The following ACMSD variants were observed in gnomAD, a reference collection of about 807,000 sequenced individuals.
ACMSD encodes aminocarboxymuconate semialdehyde decarboxylase.
A neutral mutation model predicts 45.9 loss-of-function variants in ACMSD; 37 were observed. That is an observed-to-expected ratio of 0.81 (90% CI 0.62 to 1.06). The LOEUF is 1.06. Ranked by LOEUF, ACMSD falls within the 50% of genes least tolerant of loss-of-function variation. The pLI, the probability that ACMSD is intolerant of heterozygous loss-of-function variation, is 0.00. For synonymous variants in ACMSD, 138 were observed against 148.8 expected, an observed-to-expected ratio of 0.93 and a Z score of 0.53; for missense variants, 434 against 420.9, an observed-to-expected ratio of 1.03 and a Z score of -0.27.
At chr2:134,843,823 G>T (rs1013915129) in intron 1 of ACMSD, among the ~76,000 whole-genome samples, 5 of 152,222 alleles carry the variant, frequency 3.3e-5, no homozygotes, top group African/African-American at 1.2e-4. Flanking sequence ...AAGATCCTCT[G>T]CAATCTGACC....
intron 2 of ACMSD, among the ~76,000 whole-genome samples, chr2:134,853,137 T>C (rs1687424405): frequency 7.5e-6 from 1 of 132,836 alleles, no homozygotes; most frequent in South Asian, 2.3e-4. Flanking sequence ...CACTCCAGCC[T>C]GGGGAACAGA....
intron 6 of ACMSD, among the ~76,000 whole-genome samples, chr2:134,870,096 C>T (rs797006360): frequency 5.9e-5 from 9 of 152,316 alleles, no homozygotes; most frequent in Non-Finnish European, 1.2e-4. Flanking sequence ...AGCCTAGCTC[C>T]GCAGCCTACA....
At chr2:134,895,347 A>G (rs1461178325) in intron 8 of ACMSD, among the ~76,000 whole-genome samples, 18 of 146,000 alleles carry the variant, frequency 1.2e-4, no homozygotes, top group East Asian at 9.9e-4. Context: ...TAATATATAT[A>G]TAACATATAT....
intron 2 of ACMSD, among the ~76,000 whole-genome samples, chr2:134,855,371 T>C (rs1374252194): frequency 6.6e-6 from 1 of 152,182 alleles, no homozygotes; most frequent in Non-Finnish European, 1.5e-5. Context: ...CCACTGCCAA[T>C]AGCCACTGTA....
intron 1 of ACMSD, among the ~76,000 whole-genome samples, chr2:134,839,636 T>C (rs888465655): frequency 5.9e-5 from 9 of 152,252 alleles, no homozygotes; most frequent in Non-Finnish European, 8.8e-5. Flanking sequence ...GAAACTATTT[T>C]CTTCTCATAG....
intron 5 of ACMSD, among the ~76,000 whole-genome samples, chr2:134,863,863 A>G (rs1283511337): frequency 1.3e-5 from 2 of 152,188 alleles, no homozygotes; most frequent in Non-Finnish European, 2.9e-5. Flanking sequence ...TAACAGTGAA[A>G]TCTCTTTTCT....
chr2:134,855,644 C>A (rs1687547451), intron 2 of ACMSD, among the ~76,000 whole-genome samples: 1 of 152,218 alleles, frequency 6.6e-6, no homozygotes, highest in African/African-American at 2.4e-5. Context: ...ATGTCAGAGA[C>A]CCAGCTCTGC....
Position 134,862,075 on chromosome 2 carries a change from A to C in ACMSD, c.249+57A>C, listed in dbSNP as rs556103429. ...TGTTGAAGGTTCGTGTTGAGCTCCCAAAAAGTGAACAGATGCCTCAAGTTT... is the reference window on the plus strand; with the variant it reads ...TGTTGAAGGTTCGTGTTGAGCTCCCCAAAAGTGAACAGATGCCTCAAGTTT... On this transcript the variant is annotated intron_variant, in intron 4 of 9. Transcript: ENST00000356140. 3.4e-4 allele frequency: 544 copies of C among 1,597,754 alleles called. No individual in the cohort carries two copies. In the African/African-American group the frequency reaches 5.5e-3, roughly 16 times the overall value.
intron 8 of ACMSD, among the ~76,000 whole-genome samples, chr2:134,874,445 A>G (rs1212974279): frequency 6.6e-6 from 1 of 152,220 alleles, no homozygotes; most frequent in Non-Finnish European, 1.5e-5. Flanking sequence ...TTTAAAAACA[A>G]TCCCCATATC....
chr2:134,892,391 C>T (rs1017692845), intron 8 of ACMSD, among the ~76,000 whole-genome samples: 1 of 151,654 alleles, frequency 6.6e-6, no homozygotes, highest in African/African-American at 2.4e-5. Context: ...TATTCCAGGC[C>T]AAAACTTGAA....
At chr2:134,841,991 A>T (rs1205596492) in intron 1 of ACMSD, among the ~76,000 whole-genome samples, 1 of 152,238 alleles carries the variant, frequency 6.6e-6, no homozygotes, top group Non-Finnish European at 1.5e-5. Flanking sequence ...TCTTCAAGAC[A>T]TTAACAATGT....
At position 134,863,562 on chromosome 2, in the gene ACMSD, C is replaced by A. The variant is rs768752000; in HGVS notation, c.417C>A (p.Pro139=). Residue 139 remains proline (P), a synonymous_variant, in exon 5 of 10, where the codon CCC becomes CCA. Transcript: ENST00000356140. ...MERCVKELGF[P]GVQIGTHVNE... is the part of the protein sequence containing the mutation. ...GCTGTGTGAAAGAGCTGGGCTTTCCCGGGGTCCAAATTGGCACCCACGTCA... is the reference window on the plus strand; with the variant it reads ...GCTGTGTGAAAGAGCTGGGCTTTCCAGGGGTCCAAATTGGCACCCACGTCA... The A allele has an allele frequency of 1.2e-6, 2 of 1,614,174 alleles. No homozygotes were observed. The highest frequency in any genetic ancestry group is 2.7e-5 in the African/African-American group (2 of 75,070).
intron 4 of ACMSD, chr2:134,863,124 A>G (rs1427742790): frequency 2.3e-6 from 2 of 867,800 alleles, no homozygotes; most frequent in African/African-American, 3.6e-5. Flanking sequence ...GTGTTGGGAT[A>G]CCATGCCAGT....
intron 8 of ACMSD, among the ~76,000 whole-genome samples, chr2:134,887,402 C>A (rs1164717747): frequency 6.6e-6 from 1 of 151,972 alleles, no homozygotes; most frequent in Non-Finnish European, 1.5e-5. Context: ...TATATCCATT[C>A]TTTTTCTTTC....
intron 8 of ACMSD, among the ~76,000 whole-genome samples, chr2:134,895,980 G>T (rs1286287484): frequency 6.6e-6 from 1 of 152,132 alleles, no homozygotes; most frequent in Non-Finnish European, 1.5e-5. Context: ...GACTCTATGG[G>T]ACTAGCCTAA....
Position 134,898,350 on chromosome 2 carries a change from AT to A in ACMSD, c.863del (p.Leu288TrpfsTer9). 1 of 1,585,510 alleles carries A rather than the reference AT, an allele frequency of 6.3e-7. No individual in the cohort carries two copies. Among genetic ancestry groups the A allele is most frequent in the Admixed American group, 1.9e-5 (1 of 53,692 alleles). ...ATATTTTGTTTTTTAGGATAAAGTC[AT>A]TTTGGGAACCGATTACCCCTTTCCA... ...LTDVIGKDKVILGTDYPFPLG... is the reference protein window; with the variant it reads ...LTDVIGKDKVXLGTDYPFPLG... On this transcript the variant is annotated frameshift_variant, in exon 9 of 10. Transcript: ENST00000356140. LOFTEE classifies it high-confidence loss of function.
At position 134,840,180 on chromosome 2, in the gene ACMSD, A is replaced by AACAAAAC. The variant is rs1475106365; in HGVS notation, c.57+1442_57+1443insCAAAACA. ...AACTATACCTAGCAAAAAAAAAAAA[A>AACAAAAC]AAAAAAAAAAAAACCACTAATTCCT... On this transcript the variant is annotated intron_variant, in intron 1 of 9. Transcript: ENST00000356140. Among the ~76,000 whole-genome samples the AACAAAAC allele has an allele frequency of 4.3e-5, 6 of 140,042 alleles. No homozygotes were observed. The East Asian group carries it at 1.5e-3, about 36-fold the overall frequency. 91.9% of individuals were successfully genotyped at this position (140,042 alleles called of 152,430 possible). A position where few individuals can be genotyped will look rare whatever the true frequency, so the allele number is the denominator to read the frequency against.
At chr2:134,901,273 T>C (rs1690484455) in intron 9 of ACMSD, among the ~76,000 whole-genome samples, 1 of 152,204 alleles carries the variant, frequency 6.6e-6, no homozygotes, top group Non-Finnish European at 1.5e-5. Context: ...GGGGAGTCCA[T>C]TTCTTATGTG....
At chr2:134,868,320 CTCA>C (rs1559052711) in intron 6 of ACMSD, among the ~76,000 whole-genome samples, 1 of 152,150 alleles carries the variant, frequency 6.6e-6, no homozygotes, top group Non-Finnish European at 1.5e-5. Flanking sequence ...TATCCAATCT[CTCA>C]TCATCAGTTG....
Sources: allele counts gnomAD v4.1 joint callset (sites outside exome capture counted in the v4.1 genomes callset), GRCh38; gene constraint gnomAD v4.1.1; transcripts MANE v1.5; gene names NCBI Gene and HGNC (gene_info 2026-07-23, HGNC 2026-07-21).